Variants in CLMN observed in about 807,000 individuals in gnomAD.
CLMN encodes the protein calmin, also known as calmin (calponin-like, transmembrane).
A neutral mutation model predicts 92.7 loss-of-function variants in CLMN; 57 were observed. The observed-to-expected ratio is 0.61, with a 90% CI of 0.50 to 0.77. The LOEUF (loss-of-function observed/expected upper bound fraction) is 0.77. Ranked by LOEUF, CLMN falls within the 30% of genes least tolerant of loss-of-function variation. CLMN has a pLI of 0.00. For missense variants in CLMN, 1,158 were observed against 1,237.5 expected, an observed-to-expected ratio of 0.94 and a Z score of 0.96; for synonymous variants, 466 against 470.6, an observed-to-expected ratio of 0.99 and a Z score of 0.13.
At chr14:95,237,077 G>C (rs958750691) in intron 1 of CLMN, among the ~76,000 whole-genome samples, 1 of 152,240 alleles carries the variant, frequency 6.6e-6, no homozygotes, top group African/African-American at 2.4e-5. Context: ...GGCTATGATT[G>C]CTCATTTTGG....
intron 5 of CLMN, among the ~76,000 whole-genome samples, chr14:95,214,981 T>C (rs762362288): frequency 3.3e-5 from 5 of 152,178 alleles, no homozygotes; most frequent in Admixed American, 6.5e-5. Context: ...GAAATGAACT[T>C]GAGCACAATT....
chr14:95,264,532 A>G (rs187030009), intron 1 of CLMN, among the ~76,000 whole-genome samples: 1 of 152,302 alleles, frequency 6.6e-6, no homozygotes, highest in East Asian at 1.9e-4. Flanking sequence ...TTACAAGACC[A>G]CAGAGGCGCG....
Position 95,188,910 on chromosome 14 carries a change from C to A in CLMN, c.*2654G>T, listed in dbSNP as rs1483434600. On this transcript the variant is annotated 3_prime_UTR_variant, in exon 13 of 13. Transcript: ENST00000298912. ...CAGACATCTTAAGTCATGCAAAAAT[C>A]TCAAAATATTTACAACCATATTTAC... 2 of 151,494 alleles carry A rather than the reference C, an allele frequency of 1.3e-5. No homozygotes were observed. The highest frequency in any genetic ancestry group is 2.9e-5 in the Non-Finnish European group (2 of 67,976). 9.4% of individuals were successfully genotyped at this position (151,494 alleles called of 1,614,324 possible). A position where few individuals can be genotyped will look rare whatever the true frequency, so the allele number is the denominator to read the frequency against.
intron 1 of CLMN, among the ~76,000 whole-genome samples, chr14:95,250,515 G>C (rs768284172): frequency 1.3e-5 from 2 of 152,146 alleles, no homozygotes; most frequent in African/African-American, 4.8e-5. Flanking sequence ...AAGATGGCTC[G>C]GCAGACAAAT....
At chr14:95,249,508 G>A (rs1898699191) in intron 1 of CLMN, among the ~76,000 whole-genome samples, 1 of 152,126 alleles carries the variant, frequency 6.6e-6, no homozygotes, top group Non-Finnish European at 1.5e-5. Flanking sequence ...TAATGGGGTG[G>A]ACCGAGACAG....
chr14:95,223,096 G>A (rs1288700011), intron 3 of CLMN, among the ~76,000 whole-genome samples: 1 of 152,212 alleles, frequency 6.6e-6, no homozygotes, highest in Admixed American at 6.5e-5. Context: ...CATCATGTCT[G>A]GGAGATTGTT....
At chr14:95,307,632 C>T (rs1396774743) in intron 1 of CLMN, 1 of 152,294 alleles carries the variant, frequency 6.6e-6, no homozygotes, top group East Asian at 1.9e-4. Context: ...CAACCTCCTG[C>T]TTTCGGCACC....
chr14:95,271,696 T>TTAAGTG (rs1333503001), intron 1 of CLMN, among the ~76,000 whole-genome samples: 1 of 152,192 alleles, frequency 6.6e-6, no homozygotes, highest in Non-Finnish European at 1.5e-5. Flanking sequence ...TGTGTGAAAG[T>TTAAGTG]TAAGTGTCTT....
intron 1 of CLMN, among the ~76,000 whole-genome samples, chr14:95,273,530 C>T (rs913774414): frequency 7.2e-5 from 11 of 152,204 alleles, no homozygotes; most frequent in Non-Finnish European, 1.5e-4. Flanking sequence ...TAAATAAACA[C>T]TACTCCCAGT....
chr14:95,301,636 G>A (rs966482743), intron 1 of CLMN, among the ~76,000 whole-genome samples: 12 of 152,186 alleles, frequency 7.9e-5, no homozygotes, highest in African/African-American at 2.9e-4. Context: ...CACCCAGGAT[G>A]GACCGGTCAC....
At chr14:95,238,519 A>G (rs1296787327) in intron 1 of CLMN, among the ~76,000 whole-genome samples, 1 of 152,170 alleles carries the variant, frequency 6.6e-6, no homozygotes, top group Non-Finnish European at 1.5e-5. Context: ...TTTTATCAAG[A>G]CTTTGGTAAT....
chr14:95,197,343 TAAA>T (rs968236984), intron 9 of CLMN, among the ~76,000 whole-genome samples: 10 of 108,934 alleles, frequency 9.2e-5, no homozygotes, highest in African/African-American at 2.8e-4. Flanking sequence ...AGAAGAAAAG[TAAA>T]GAAGAAAAAA....
chr14:95,260,369 A>G (rs111227153), intron 1 of CLMN: 35,636 of 151,760 alleles, frequency 0.23, 5,314 homozygotes, highest in African/African-American at 0.42. Context: ...GTGAACCCAG[A>G]AAGCGGAGCT....
intron 1 of CLMN, among the ~76,000 whole-genome samples, chr14:95,268,305 T>C (rs994882001): frequency 6.6e-6 from 1 of 152,054 alleles, no homozygotes; most frequent in African/African-American, 2.4e-5. Flanking sequence ...TGTAACAATT[T>C]TGTAAAAATA....
In CLMN at chr14:95,187,902, A is replaced by G. The variant is rs1896477641; in HGVS notation, c.*3662T>C. 1 of 152,264 alleles carries G rather than the reference A, an allele frequency of 6.6e-6. No homozygotes were observed. Among genetic ancestry groups the G allele is most frequent in the African/African-American group, 2.4e-5 (1 of 41,460 alleles). 9.4% of individuals were successfully genotyped at this position (152,264 alleles called of 1,614,324 possible). A position where few individuals can be genotyped will look rare whatever the true frequency, so the allele number is the denominator to read the frequency against. On this transcript the variant is annotated 3_prime_UTR_variant, in exon 13 of 13. Coordinates refer to ENST00000298912, the MANE Select transcript of CLMN (RefSeq NM_024734.4). The stretch of plus-strand genomic sequence containing the variant: ...GGGCAAAAGGTGTCCTTTGCCAGTC[A>G]AGCCAAGTGCTCATGGGGACTTCTG...
At chr14:95,251,316 C>T (rs1481983375) in intron 1 of CLMN, among the ~76,000 whole-genome samples, 1 of 152,112 alleles carries the variant, frequency 6.6e-6, no homozygotes, top group Non-Finnish European at 1.5e-5. Flanking sequence ...GAATCGAATC[C>T]CATATTCTCA....
intron 1 of CLMN, among the ~76,000 whole-genome samples, chr14:95,232,031 C>T (rs554860951): frequency 3.7e-4 from 57 of 152,330 alleles, no homozygotes; most frequent in African/African-American, 1.3e-3. Flanking sequence ...TTCTGTTTTA[C>T]AGATGAAGAA....
At chr14:95,266,566 T>C (rs72710130) in intron 1 of CLMN, among the ~76,000 whole-genome samples, 3,299 of 152,284 alleles carry the variant, frequency 0.022, 46 homozygotes, top group Middle Eastern at 0.044. Context: ...AATGGAAAGA[T>C]ATTCCATGTT....
At chr14:95,318,632 C>A (rs1427312400) in intron 1 of CLMN, among the ~76,000 whole-genome samples, 2 of 152,136 alleles carry the variant, frequency 1.3e-5, no homozygotes, top group African/African-American at 4.8e-5. Context: ...CGCCTCTCTG[C>A]CCAGGCCTCC....
Sources: allele counts gnomAD v4.1 joint callset (sites outside exome capture counted in the v4.1 genomes callset), GRCh38; gene constraint gnomAD v4.1.1; transcripts MANE v1.5; gene names NCBI Gene and HGNC (gene_info 2026-07-23, HGNC 2026-07-21).